Variants in EAF1 observed in about 807,000 individuals in gnomAD.
EAF1 encodes the protein ELL-associated factor 1.
In EAF1, 19 loss-of-function variants were observed where a neutral mutation model predicts 26.6. That is an observed-to-expected ratio of 0.71 (90% confidence interval 0.50 to 1.05). The LOEUF (loss-of-function observed/expected upper bound fraction) is 1.05. Ranked by LOEUF, EAF1 falls within the 50% of genes least tolerant of loss-of-function variation. EAF1 has a pLI of 0.00. For synonymous variants in EAF1, 102 were observed against 120.6 expected (o/e 0.85, Z 1.01); for missense variants, 260 against 335.5 (o/e 0.78, Z 1.76).
Position 15,439,121 on chromosome 3 carries a change from AG to A in EAF1, c.774del (p.Gln258HisfsTer2). 6.2e-7 allele frequency: 1 copy of A among 1,612,578 alleles called. No homozygotes were observed. Reference sequence around the variant, plus strand: ...TTTTTTTAAATAGGAAATGACTTGCAGTTGAGTGAGTCTGGCAGTGACAGTG... The same window carrying A: ...TTTTTTTAAATAGGAAATGACTTGCATTGAGTGAGTCTGGCAGTGACAGTG... ...QLMNTLRNDL[Q>X]LSESGSDSDD On this transcript the variant is annotated frameshift_variant, in exon 6 of 6. Coordinates refer to ENST00000396842, the MANE Select transcript of EAF1 (RefSeq NM_033083.7). LOFTEE classifies it high-confidence loss of function.
chr3:15,434,545 A>G lies in EAF1; in HGVS notation c.526+7A>G, dbSNP rs1198389671. The G allele has an allele frequency of 3.7e-6, 6 of 1,613,708 alleles. No individual in the cohort carries two copies. The highest frequency in any genetic ancestry group is 5.1e-6 in the Non-Finnish European group (6 of 1,179,798). Reference sequence around the variant, plus strand: ...TTGGATGACATCAAAAGAGGTAGAGAACATTTTCTGGATCCATGATAGCAA... The same window carrying G: ...TTGGATGACATCAAAAGAGGTAGAGGACATTTTCTGGATCCATGATAGCAA... On this transcript the variant is annotated splice_region_variant and intron_variant, in intron 4 of 5. Coordinates refer to ENST00000396842, the MANE Select transcript of EAF1 (RefSeq NM_033083.7).
chr3:15,435,236 A>G (rs1033782142), intron 4 of EAF1, among the ~76,000 whole-genome samples: 1 of 152,230 alleles, frequency 6.6e-6, no homozygotes, highest in African/African-American at 2.4e-5. Flanking sequence ...GGTTCTCTCC[A>G]CTGCAAACCT....
At chr3:15,429,697 T>C (rs1283212078) in intron 1 of EAF1, among the ~76,000 whole-genome samples, 4 of 152,210 alleles carry the variant, frequency 2.6e-5, no homozygotes, top group Non-Finnish European at 5.9e-5. Flanking sequence ...TTGGTAATAA[T>C]TGAAACTGGA....
At chr3:15,434,290 A>C in intron 3 of EAF1, 58 bp from the exon 4 acceptor site, 1 of 1,584,386 alleles carries the variant, frequency 6.3e-7, no homozygotes, top group Non-Finnish European at 8.6e-7. Flanking sequence ...AGTCACCTGG[A>C]CAAATTTGAG....
intron 2 of EAF1, among the ~76,000 whole-genome samples, chr3:15,431,594 AG>A (rs558202927): frequency 2.3e-3 from 348 of 152,306 alleles, no homozygotes; most frequent in African/African-American, 7.9e-3. Flanking sequence ...TTGGCCTGAG[AG>A]CAATTGAGGA....
chr3:15,429,478 C>A (rs191394978), intron 1 of EAF1, among the ~76,000 whole-genome samples: 2 of 152,268 alleles, frequency 1.3e-5, no homozygotes, highest in African/African-American at 4.8e-5. Flanking sequence ...GTCACAGAAT[C>A]TGTTTCATAT....
At position 15,441,905 on chromosome 3, in the gene EAF1, A is replaced by G. The variant is rs1255198888; in HGVS notation, c.*2750A>G. On this transcript the variant is annotated 3_prime_UTR_variant, in exon 6 of 6. Transcript: ENST00000396842. ...TTAGAAGTCTTTAACTGAATTATTAAAATTGCCTTTTTTTTGTGCTGTACA... is the reference window on the plus strand; with the variant it reads ...TTAGAAGTCTTTAACTGAATTATTAGAATTGCCTTTTTTTTGTGCTGTACA... The G allele has an allele frequency of 6.6e-6, 1 of 152,564 alleles. No individual in the cohort carries two copies. Among genetic ancestry groups the G allele is most frequent in the Admixed American group, 6.5e-5 (1 of 15,270 alleles). 9.5% of individuals were successfully genotyped at this position (152,564 alleles called of 1,614,324 possible). A position where few individuals can be genotyped will look rare whatever the true frequency, so the allele number is the denominator to read the frequency against.
intron 2 of EAF1, among the ~76,000 whole-genome samples, chr3:15,431,775 A>G (rs1214873503): frequency 6.6e-6 from 1 of 152,200 alleles, no homozygotes; most frequent in Non-Finnish European, 1.5e-5. Context: ...TACTATACAG[A>G]GTGATAACTC....
chr3:15,438,974 C>G, intron 5 of EAF1, 135 bp from the exon 6 acceptor site: 1 of 788,396 alleles, frequency 1.3e-6, no homozygotes, highest in Non-Finnish European at 2.0e-6. Flanking sequence ...TGATTTTCTT[C>G]CCTAAGTTGA....
At chr3:15,429,085 G>C (rs1313169979) in intron 1 of EAF1, among the ~76,000 whole-genome samples, 1 of 152,218 alleles carries the variant, frequency 6.6e-6, no homozygotes, top group Admixed American at 6.5e-5. Context: ...AGGCAGGTGT[G>C]AATGTGAATT....
At chr3:15,430,676 A>C (rs989136165) in intron 2 of EAF1, among the ~76,000 whole-genome samples, 7 of 152,316 alleles carry the variant, frequency 4.6e-5, no homozygotes, top group Admixed American at 6.5e-5. Flanking sequence ...GAGTTAAGGC[A>C]GGCAGGAACC....
At chr3:15,437,038 A>G (rs1222776042) in intron 5 of EAF1, among the ~76,000 whole-genome samples, 1 of 152,044 alleles carries the variant, frequency 6.6e-6, no homozygotes, top group Non-Finnish European at 1.5e-5. Flanking sequence ...TGGGATTACA[A>G]GCATGTCCCA....
At chr3:15,431,471 T>C (rs1377576325) in intron 2 of EAF1, among the ~76,000 whole-genome samples, 5 of 152,172 alleles carry the variant, frequency 3.3e-5, no homozygotes, top group Non-Finnish European at 7.4e-5. Flanking sequence ...GGGAAGCCAG[T>C]TGCCTTCTGC....
chr3:15,434,323 A>C, intron 3 of EAF1, 25 bp from the exon 4 acceptor site: 1 of 1,605,582 alleles, frequency 6.2e-7, no homozygotes, highest in South Asian at 1.1e-5. Flanking sequence ...TGCCCTGCTA[A>C]TTTAATGTCT....
At chr3:15,436,773 A>G (rs781583512) in intron 5 of EAF1, 198 bp downstream of exon 5, 9 of 470,918 alleles carry the variant, frequency 1.9e-5, no homozygotes, top group East Asian at 1.2e-4. Context: ...TTCTATTTCT[A>G]TTCCCCACTG....
At chr3:15,433,960 G>T (rs2061819035) in intron 3 of EAF1, among the ~76,000 whole-genome samples, 1 of 152,186 alleles carries the variant, frequency 6.6e-6, no homozygotes, top group Non-Finnish European at 1.5e-5. Flanking sequence ...AGTACATTCT[G>T]CTGTTTGCAT....
At chr3:15,437,327 T>TC (rs2125068063) in intron 5 of EAF1, among the ~76,000 whole-genome samples, 1 of 151,022 alleles carries the variant, frequency 6.6e-6, no homozygotes, top group African/African-American at 2.4e-5. Flanking sequence ...CCTTTTTTTT[T>TC]TTTTTGGTAG....
In EAF1 at chr3:15,439,113, T is replaced by C. The variant is rs1462187309; in HGVS notation, c.765T>C (p.Asn255=). Reference sequence around the variant, plus strand: ...TTTATTTTTTTTTTTAAATAGGAAATGACTTGCAGTTGAGTGAGTCTGGCA... The same window carrying C: ...TTTATTTTTTTTTTTAAATAGGAAACGACTTGCAGTTGAGTGAGTCTGGCA... ...GSNQLMNTLR[N]DLQLSESGSD... Residue 255 remains asparagine, a synonymous_variant, in exon 6 of 6, where the codon AAT becomes AAC. Coordinates refer to ENST00000396842, the MANE Select transcript of EAF1 (RefSeq NM_033083.7). The C allele has an allele frequency of 6.2e-7, 1 of 1,611,220 alleles. No individual in the cohort carries two copies. Among genetic ancestry groups the C allele is most frequent in the South Asian group, 1.1e-5 (1 of 89,992 alleles).
rs981105688 is a variant in EAF1, at chr3:15,442,480, A to G, written c.*3325A>G. Reference sequence around the variant, plus strand: ...TCTTTATTTTTAAAATCTTGTGCCTAAAAGTTTTTTTGCTTAATTATGAAG... The same window carrying G: ...TCTTTATTTTTAAAATCTTGTGCCTGAAAGTTTTTTTGCTTAATTATGAAG... On this transcript the variant is annotated 3_prime_UTR_variant, in exon 6 of 6. Coordinates refer to ENST00000396842, the MANE Select transcript of EAF1 (RefSeq NM_033083.7). The G allele has an allele frequency of 2.0e-5, 3 of 152,630 alleles. No homozygotes were observed. Among genetic ancestry groups the G allele is most frequent in the African/African-American group, 7.2e-5 (3 of 41,444 alleles). 9.5% of individuals were successfully genotyped at this position (152,630 alleles called of 1,614,324 possible).
Sources: gnomAD v4.1 joint callset for allele counts (sites outside exome capture counted in the v4.1 genomes callset) on GRCh38, gnomAD v4.1.1 for gene constraint, MANE v1.5 for transcripts, NCBI Gene and HGNC (gene_info 2026-07-23, HGNC 2026-07-21) for gene names.